The following EXPH5 variants were observed in gnomAD, a reference collection of about 807,000 sequenced individuals.
EXPH5 encodes exophilin-5.
In EXPH5, 42 loss-of-function variants were observed where a neutral mutation model predicts 41.1. That is an observed-to-expected ratio of 1.02 (90% CI 0.80 to 1.32). EXPH5 has a LOEUF of 1.32. Among genes scored for constraint, EXPH5 ranks in the 40% most tolerant of loss-of-function variants. EXPH5 has a pLI of 0.00. For synonymous variants in EXPH5, 798 were observed against 833.5 expected (o/e 0.96, Z 0.73); for missense variants, 2,298 against 2,314.5 (o/e 0.99, Z 0.15).
the EXPH5 span, among the ~76,000 whole-genome samples, chr11:108,606,882 T>A: frequency 3.4e-5 from 5 of 147,752 alleles, no homozygotes; most frequent in Admixed American, 1.4e-4. Context: ...CAGATTTTTT[T>A]AAAATTTGTA....
At chr11:108,558,363 A>G (rs987191804) in intron 1 of EXPH5, among the ~76,000 whole-genome samples, 4 of 152,252 alleles carry the variant, frequency 2.6e-5, no homozygotes, top group African/African-American at 9.6e-5. Context: ...AGCTGGGACT[A>G]CAGGCACATG....
At chr11:108,603,097 TC>T in the EXPH5 span, among the ~76,000 whole-genome samples, 53 of 152,176 alleles carry the variant, frequency 3.5e-4, no homozygotes, top group Non-Finnish European at 7.3e-5. Context: ...ACCTCTCTTT[TC>T]CCTTTGTCTT....
chr11:108,587,274 C>T lies in EXPH5; in HGVS notation c.119+6144G>A, dbSNP rs530118346. ...ATCTCCTTACTAAACTTAACCTGAC[C>T]TCCTTTTGACCTTCATGTGGTTCTC... is the stretch of plus-strand genomic sequence containing the variant. On this transcript the variant is annotated intron_variant, in intron 1 of 5. Transcript: ENST00000265843. Among the ~76,000 whole-genome samples the T allele has an allele frequency of 2.6e-5, 4 of 152,314 alleles. No individual in the cohort carries two copies. The South Asian group carries it at 6.2e-4, about 24-fold the overall frequency.
At chr11:108,543,603 T>C (rs948666962) in intron 1 of EXPH5, among the ~76,000 whole-genome samples, 1 of 152,208 alleles carries the variant, frequency 6.6e-6, no homozygotes, top group African/African-American at 2.4e-5. Context: ...TTAGGGTCTT[T>C]GTATTGCTAA....
At chr11:108,575,497 T>C (rs973847290) in intron 1 of EXPH5, among the ~76,000 whole-genome samples, 2 of 152,122 alleles carry the variant, frequency 1.3e-5, no homozygotes, top group Non-Finnish European at 2.9e-5. Context: ...ACAAATAGAA[T>C]AAGAAAACAC....
intron 1 of EXPH5, among the ~76,000 whole-genome samples, chr11:108,580,118 T>C (rs190061291): frequency 6.6e-6 from 1 of 152,292 alleles, no homozygotes; most frequent in Non-Finnish European, 1.5e-5. Flanking sequence ...AAAGATAACC[T>C]GCAGAGTGGG....
At chr11:108,581,078 A>C (rs2094096553) in intron 1 of EXPH5, among the ~76,000 whole-genome samples, 1 of 152,166 alleles carries the variant, frequency 6.6e-6, no homozygotes, top group African/African-American at 2.4e-5. Flanking sequence ...AGGCTGAGGC[A>C]GGTAGATCAC....
rs550496852 is a variant in EXPH5, at chr11:108,520,336, A to C, written c.493-1963T>G. Among the ~76,000 whole-genome samples, 17 of 152,238 alleles carry C rather than the reference A, an allele frequency of 1.1e-4. No individual in the cohort carries two copies. The East Asian group carries it at 3.1e-3, about 28-fold the overall frequency. ...TCTGTGGAAAAGTTCTTTTCCACGA[A>C]GTGGGTCCCTGGTGCCAAAAACGGT... is the stretch of plus-strand genomic sequence containing the variant. On this transcript the variant is annotated intron_variant, in intron 4 of 5. Coordinates refer to ENST00000265843, the MANE Select transcript of EXPH5 (RefSeq NM_015065.3).
chr11:108,602,973 T>C, the EXPH5 span, among the ~76,000 whole-genome samples: 1 of 152,138 alleles, frequency 6.6e-6, no homozygotes, highest in African/African-American at 2.4e-5. Context: ...CGGGAGCGAT[T>C]CCCTCCATTC....
rs2093668865 is a variant in EXPH5, at chr11:108,510,278, T to C, written c.5229A>G (p.Ala1743=). 5 of 1,614,002 alleles carry C rather than the reference T, an allele frequency of 3.1e-6. No homozygotes were observed. Among genetic ancestry groups the C allele is most frequent in the Non-Finnish European group, 4.2e-6 (5 of 1,180,030 alleles). Residue 1743 remains alanine, a synonymous_variant, in exon 6 of 6, where the codon GCA becomes GCG. Transcript: ENST00000265843. The part of the protein sequence containing the change: ...SPITFTSLRE[A]EFSDNQRRLS... ...GCCTCCTCTGATTGTCAGAGAATTC[T>C]GCTTCCCTGAGGCTGGTGAATGTGA...
chr11:108,556,214 G>A (rs901821161), intron 1 of EXPH5, among the ~76,000 whole-genome samples: 12 of 151,894 alleles, frequency 7.9e-5, no homozygotes, highest in African/African-American at 2.7e-4. Context: ...TCCTTGTAAG[G>A]GTTAAAGCAG....
At chr11:108,573,145 A>AAAGAAAG (rs2094067028) in intron 1 of EXPH5, among the ~76,000 whole-genome samples, 5 of 114,992 alleles carry the variant, frequency 4.3e-5, no homozygotes, top group Non-Finnish European at 8.6e-5. Context: ...AGAAGGAAAG[A>AAAGAAAG]AAGAAAGAAA....
intron 1 of EXPH5, among the ~76,000 whole-genome samples, chr11:108,578,182 G>C (rs2094086028): frequency 2.0e-5 from 3 of 152,142 alleles, no homozygotes; most frequent in Non-Finnish European, 4.4e-5. Flanking sequence ...TTAGATTTAA[G>C]TCTTTAATCC....
Position 108,578,823 on chromosome 11 carries a change from T to C in EXPH5, c.119+14595A>G, listed in dbSNP as rs115063933. Among the ~76,000 whole-genome samples, 639 of 152,308 alleles carry C rather than the reference T, an allele frequency of 4.2e-3. 3 individuals are homozygous for C. Among genetic ancestry groups the C allele is most frequent in the African/African-American group, 0.015 (623 of 41,582 alleles). ...TTTTTTAGATTGTTCAATGTTGGCA[T>C]ATAGAAATGATTTTTGTATGGTGAT... is the stretch of plus-strand genomic sequence containing the variant. On this transcript the variant is annotated intron_variant, in intron 1 of 5. Coordinates refer to ENST00000265843, the MANE Select transcript of EXPH5 (RefSeq NM_015065.3).
intron 1 of EXPH5, among the ~76,000 whole-genome samples, chr11:108,570,614 G>T (rs1464973718): frequency 6.6e-6 from 1 of 152,178 alleles, no homozygotes; most frequent in African/African-American, 2.4e-5. Flanking sequence ...GGCGTGGTCA[G>T]CTCACTGCAA....
At chr11:108,518,447 A>G in intron 4 of EXPH5, 74 bp from the exon 5 acceptor site, 1 of 1,381,270 alleles carries the variant, frequency 7.2e-7, no homozygotes, top group Non-Finnish European at 1.0e-6. Flanking sequence ...CTCCCACCAA[A>G]CTGTCCCAAG....
chr11:108,549,847 C>T (rs1209672614), intron 1 of EXPH5, among the ~76,000 whole-genome samples: 3 of 150,192 alleles, frequency 2.0e-5, no homozygotes, highest in Non-Finnish European at 4.5e-5. Context: ...CTCCACAATT[C>T]CCATCATTCC....
intron 1 of EXPH5, among the ~76,000 whole-genome samples, chr11:108,592,938 C>A (rs893379252): frequency 1.3e-5 from 2 of 152,258 alleles, no homozygotes; most frequent in African/African-American, 4.8e-5. Context: ...GGAGATTCGC[C>A]TCTGGTGCCG....
At chr11:108,573,198 A>G (rs11212713) in intron 1 of EXPH5, among the ~76,000 whole-genome samples, 1,944 of 108,222 alleles carry the variant, frequency 0.018, 35 homozygotes, top group African/African-American at 0.044. Flanking sequence ...GAAAGAAAGA[A>G]AAAGAAAGAA....
Sources: gnomAD v4.1 joint callset for allele counts (sites outside exome capture counted in the v4.1 genomes callset) on GRCh38, gnomAD v4.1.1 for gene constraint, MANE v1.5 for transcripts, NCBI Gene and HGNC (gene_info 2026-07-23, HGNC 2026-07-21) for gene names.